Variants in MND1 observed in about 807,000 individuals in gnomAD.
MND1 encodes meiotic nuclear division protein 1 homolog.
In MND1, 28 loss-of-function variants were observed where a neutral mutation model predicts 35.1. The ratio of observed to expected loss-of-function variants is 0.80; its 90% CI spans 0.59 to 1.09. The LOEUF (loss-of-function observed/expected upper bound fraction) is 1.09. Ranked by LOEUF, MND1 falls within the 50% of genes least tolerant of loss-of-function variation. The pLI, the probability that MND1 is intolerant of heterozygous loss-of-function variation, is 0.00. For synonymous variants in MND1, 69 were observed against 70.5 expected (o/e 0.98, Z 0.11); for missense variants, 213 against 239.6 (o/e 0.89, Z 0.73).
chr4:153,380,260 T>A (rs1037194677), intron 4 of MND1, among the ~76,000 whole-genome samples: 1 of 152,234 alleles, frequency 6.6e-6, no homozygotes, highest in African/African-American at 2.4e-5. Flanking sequence ...CAGGATTGGT[T>A]AATCCCACCA....
At chr4:153,355,608 GA>G (rs1773320431) in intron 2 of MND1, 45 bp from the exon 3 acceptor site, 1 of 1,276,592 alleles carries the variant, frequency 7.8e-7, no homozygotes, top group African/African-American at 1.5e-5. Flanking sequence ...ATACATAGTA[GA>G]AAATAAACAC....
At chr4:153,347,640 G>A (rs1406198563) in intron 1 of MND1, among the ~76,000 whole-genome samples, 1 of 152,192 alleles carries the variant, frequency 6.6e-6, no homozygotes, top group Non-Finnish European at 1.5e-5. Flanking sequence ...TGATGAAGGT[G>A]TGTTCTGGGA....
intron 4 of MND1, among the ~76,000 whole-genome samples, chr4:153,376,135 T>C (rs2149643026): frequency 6.6e-6 from 1 of 152,300 alleles, no homozygotes; most frequent in Middle Eastern, 3.4e-3. Flanking sequence ...CCAACTGAAA[T>C]GACATTTCTC....
chr4:153,374,725 G>C (rs1268998007), intron 4 of MND1, among the ~76,000 whole-genome samples: 1 of 151,714 alleles, frequency 6.6e-6, no homozygotes, highest in Non-Finnish European at 1.5e-5. Context: ...ATTCTTATAA[G>C]CTGAAAAATC....
At chr4:153,360,306 C>T (rs1000893017) in intron 4 of MND1, among the ~76,000 whole-genome samples, 15 of 152,114 alleles carry the variant, frequency 9.9e-5, no homozygotes, top group Non-Finnish European at 1.8e-4. Context: ...TTTCACAGAG[C>T]AGTTTTCAAT....
chr4:153,345,348 A>G, intron 1 of MND1: 3 of 985,494 alleles, frequency 3.0e-6, no homozygotes, highest in Non-Finnish European at 3.6e-6. Flanking sequence ...ACTGTGTGCC[A>G]ATTAGTCGAT....
chr4:153,411,599 T>C (rs1020589843), intron 7 of MND1, among the ~76,000 whole-genome samples: 6 of 152,200 alleles, frequency 3.9e-5, no homozygotes, highest in East Asian at 1.9e-4. Flanking sequence ...TAAATGTTTA[T>C]AATGAAATGG....
chr4:153,385,385 A>T (rs1225306049), intron 4 of MND1, among the ~76,000 whole-genome samples: 1 of 152,140 alleles, frequency 6.6e-6, no homozygotes, highest in Non-Finnish European at 1.5e-5. Context: ...AAGAGGGGAG[A>T]TTGATTTAAC....
At chr4:153,356,268 A>G (rs1031674146) in intron 3 of MND1, among the ~76,000 whole-genome samples, 2 of 152,192 alleles carry the variant, frequency 1.3e-5, no homozygotes, top group Admixed American at 1.3e-4. Context: ...AGATATGTAT[A>G]AATTGGGCTG....
chr4:153,380,639 A>G (rs1728650280), intron 4 of MND1, among the ~76,000 whole-genome samples: 1 of 152,184 alleles, frequency 6.6e-6, no homozygotes, highest in South Asian at 2.1e-4. Flanking sequence ...TGGAGAGGCA[A>G]CTAACAGGAT....
intron 4 of MND1, among the ~76,000 whole-genome samples, chr4:153,359,357 G>A (rs1361961169): frequency 6.6e-6 from 1 of 152,036 alleles, no homozygotes; most frequent in Non-Finnish European, 1.5e-5. Flanking sequence ...TCTATTAATG[G>A]CTTGATGGCT....
intron 7 of MND1, 45 bp downstream of exon 7, chr4:153,409,060 C>T (rs756914751): frequency 8.6e-7 from 1 of 1,158,022 alleles, no homozygotes; most frequent in East Asian, 3.1e-5. Flanking sequence ...AAATTCCCTT[C>T]ACACTTACTG....
intron 6 of MND1, among the ~76,000 whole-genome samples, chr4:153,397,710 C>T (rs1729238048): frequency 6.6e-6 from 1 of 151,866 alleles, no homozygotes; most frequent in Non-Finnish European, 1.5e-5. Context: ...GTCCCAGCTA[C>T]TCAGGAGGCT....
intron 6 of MND1, among the ~76,000 whole-genome samples, chr4:153,406,381 G>A (rs1397890318): frequency 6.6e-6 from 1 of 151,990 alleles, no homozygotes; most frequent in Non-Finnish European, 1.5e-5. Flanking sequence ...AATTAGCCGG[G>A]TGTGGTGGCA....
chr4:153,371,806 T>C (rs1319268275), intron 4 of MND1, among the ~76,000 whole-genome samples: 1 of 152,168 alleles, frequency 6.6e-6, no homozygotes, highest in African/African-American at 2.4e-5. Context: ...ACAACTTGGC[T>C]CTTTGGCACA....
intron 3 of MND1, among the ~76,000 whole-genome samples, chr4:153,356,902 A>G (rs1296715707): frequency 2.6e-5 from 4 of 152,112 alleles, no homozygotes; most frequent in Non-Finnish European, 2.9e-5. Flanking sequence ...GGCACACTGC[A>G]ACCTCTGTCT....
chr4:153,379,332 A>C (rs569447133), intron 4 of MND1, among the ~76,000 whole-genome samples: 1 of 151,618 alleles, frequency 6.6e-6, no homozygotes, highest in Non-Finnish European at 1.5e-5. Flanking sequence ...AAAGAAAAAA[A>C]AAAAGAAACC....
intron 4 of MND1, among the ~76,000 whole-genome samples, chr4:153,384,708 A>G (rs564238088): frequency 6.6e-6 from 1 of 152,120 alleles, no homozygotes; most frequent in South Asian, 2.1e-4. Context: ...TTGTGGTCCT[A>G]TCTTTAGCAG....
At chr4:153,383,310 G>A (rs775611472) in intron 4 of MND1, among the ~76,000 whole-genome samples, 17 of 152,164 alleles carry the variant, frequency 1.1e-4, no homozygotes, top group Non-Finnish European at 1.9e-4. Context: ...CAGAGAAGCC[G>A]GATGGTGAGA....
Sources: allele counts gnomAD v4.1 joint callset (sites outside exome capture counted in the v4.1 genomes callset), GRCh38; gene constraint gnomAD v4.1.1; transcripts MANE v1.5; gene names NCBI Gene and HGNC (gene_info 2026-07-23, HGNC 2026-07-21).